SENP6: variants seen among roughly 807,000 people sequenced by gnomAD.
SENP6 encodes the protein SUMO specific peptidase 6, also known as sentrin-specific protease 6.
In SENP6, 41 loss-of-function variants were observed where a neutral mutation model predicts 134.5. The observed-to-expected ratio is 0.30, with a 90% CI of 0.24 to 0.40. The LOEUF (loss-of-function observed/expected upper bound fraction) is 0.40, where lower values mean the gene tolerates loss of function less well. SENP6 is among the 10% of genes least tolerant of loss of function. The pLI is 1.00. For synonymous variants in SENP6, 395 were observed against 429.8 expected, an observed-to-expected ratio of 0.92 and a Z score of 1.00; for missense variants, 1,248 against 1,312.5, an observed-to-expected ratio of 0.95 and a Z score of 0.76.
intron 3 of SENP6, among the ~76,000 whole-genome samples, chr6:75,627,015 A>G (rs1472266254): frequency 6.6e-6 from 1 of 151,810 alleles, no homozygotes; most frequent in Non-Finnish European, 1.5e-5. Context: ...CCCAGGTTGG[A>G]GTGCATGGTG....
intron 1 of SENP6, among the ~76,000 whole-genome samples, chr6:75,603,730 T>G (rs1050820017): frequency 6.6e-6 from 1 of 152,102 alleles, no homozygotes; most frequent in African/African-American, 2.4e-5. Context: ...TGGAACACAG[T>G]AGGTACTCAG....
intron 8 of SENP6, among the ~76,000 whole-genome samples, chr6:75,660,246 A>T (rs1459275792): frequency 6.6e-6 from 1 of 152,200 alleles, no homozygotes; most frequent in Non-Finnish European, 1.5e-5. Context: ...TTACATCAGG[A>T]GACATACGAT....
intron 13 of SENP6, among the ~76,000 whole-genome samples, 155 bp downstream of exon 13, chr6:75,676,209 C>G (rs902957385): frequency 1.3e-5 from 2 of 152,052 alleles, no homozygotes; most frequent in African/African-American, 2.4e-5. Flanking sequence ...ATTACTTTCT[C>G]CATTTTACAG....
chr6:75,695,289 A>G (rs1053885823), intron 16 of SENP6, among the ~76,000 whole-genome samples: 1 of 152,220 alleles, frequency 6.6e-6, no homozygotes, highest in Non-Finnish European at 1.5e-5. Context: ...GTTTTAAAAC[A>G]TTAGATCTTT....
intron 6 of SENP6, 83 bp from the exon 7 acceptor site, chr6:75,647,648 C>G (rs1463425622): frequency 1.2e-6 from 1 of 844,402 alleles, no homozygotes; most frequent in African/African-American, 1.7e-5. Flanking sequence ...TTTTAATAGG[C>G]TTATTGTAAG....
chr6:75,605,923 G>A (rs1766995520), intron 1 of SENP6, among the ~76,000 whole-genome samples: 1 of 152,174 alleles, frequency 6.6e-6, no homozygotes, highest in Non-Finnish European at 1.5e-5. Context: ...TGATGTCAGT[G>A]GAGACTGGGG....
chr6:75,618,037 A>G (rs1457605223), intron 1 of SENP6, among the ~76,000 whole-genome samples: 3 of 152,234 alleles, frequency 2.0e-5, no homozygotes, highest in African/African-American at 4.8e-5. Context: ...AAGACATATC[A>G]CTATGAATGT....
intron 16 of SENP6, among the ~76,000 whole-genome samples, chr6:75,686,538 T>C (rs1773854805): frequency 6.6e-6 from 1 of 152,208 alleles, no homozygotes; most frequent in Admixed American, 6.5e-5. Context: ...TGGTACCAGT[T>C]GTTTCTTTCC....
intron 3 of SENP6, among the ~76,000 whole-genome samples, chr6:75,629,036 C>A (rs1383437696): frequency 6.6e-6 from 1 of 152,120 alleles, no homozygotes; most frequent in Non-Finnish European, 1.5e-5. Context: ...CAGTTCTTTC[C>A]TTTTGAGTTA....
At position 75,687,976 on chromosome 6, in the gene SENP6, A is replaced by G. The variant is rs574790613; in HGVS notation, c.2076-7828A>G. 2.6e-4 allele frequency among the ~76,000 whole-genome samples: 40 copies of G among 152,236 alleles called. 1 individual carries two copies. The highest frequency in any genetic ancestry group is 6.8e-3 in the Middle Eastern group (2 of 294). ...TTAAGTCTGCAGTTGTCTGCTGCCTATTTTTCAGCTATGCCCTGCCCACAG... is the reference window on the plus strand; with the variant it reads ...TTAAGTCTGCAGTTGTCTGCTGCCTGTTTTTCAGCTATGCCCTGCCCACAG... On this transcript the variant is annotated intron_variant, in intron 16 of 23. Coordinates refer to ENST00000447266, the MANE Select transcript of SENP6 (RefSeq NM_015571.4).
chr6:75,711,312 A>G lies in SENP6; in HGVS notation c.2821-16A>G. 6.3e-7 allele frequency: 1 copy of G among 1,583,214 alleles called. No individual in the cohort carries two copies. Among genetic ancestry groups the G allele is most frequent in the Non-Finnish European group, 8.7e-7 (1 of 1,153,974 alleles). ...ATTATATATTTTCAGTATTAACAGT[A>G]GGCTGTCTTTTATAGGATGATAGCA... On this transcript the variant is annotated splice_polypyrimidine_tract_variant and intron_variant, in intron 20 of 23. Coordinates refer to ENST00000447266, the MANE Select transcript of SENP6 (RefSeq NM_015571.4).
At chr6:75,625,304 C>T (rs574357001) in intron 3 of SENP6, among the ~76,000 whole-genome samples, 5 of 151,398 alleles carry the variant, frequency 3.3e-5, no homozygotes, top group East Asian at 3.9e-4. Context: ...TATTAGAGAC[C>T]GGGTTTCACC....
chr6:75,713,364 G>A, intron 21 of SENP6, 149 bp from the exon 22 acceptor site: 1 of 566,610 alleles, frequency 1.8e-6, no homozygotes, highest in South Asian at 2.8e-5. Context: ...TGTCTATAAG[G>A]TTCATTTTTT....
intron 1 of SENP6, among the ~76,000 whole-genome samples, chr6:75,621,127 G>A (rs1309510401): frequency 5.3e-5 from 8 of 152,190 alleles, no homozygotes; most frequent in Non-Finnish European, 7.3e-5. Flanking sequence ...GGCAGGTATC[G>A]TTGAGTTTAA....
chr6:75,602,362 T>G lies in SENP6; in HGVS notation c.-163T>G. 1.4e-6 allele frequency: 1 copy of G among 728,664 alleles called. No individual in the cohort carries two copies. Among genetic ancestry groups the G allele is most frequent in the Non-Finnish European group, 2.1e-6 (1 of 469,922 alleles). The allele number at this position is 728,664 out of a possible 1,614,324, so 45.1% of individuals were successfully genotyped here. ...GGCCCGGGCGCGCCTGGCCTGCCTTTGTATAGGCCCGTCTGAACGTGGGAG... is the reference window on the plus strand; with the variant it reads ...GGCCCGGGCGCGCCTGGCCTGCCTTGGTATAGGCCCGTCTGAACGTGGGAG... On this transcript the variant is annotated 5_prime_UTR_variant, in exon 1 of 24. Coordinates refer to ENST00000447266, the MANE Select transcript of SENP6 (RefSeq NM_015571.4).
intron 5 of SENP6, among the ~76,000 whole-genome samples, chr6:75,638,721 T>C (rs1482454135): frequency 6.7e-6 from 1 of 149,896 alleles, no homozygotes; most frequent in East Asian, 2.0e-4. Flanking sequence ...CTTCTACCTC[T>C]GTTTTTCTAC....
In SENP6 at chr6:75,667,247, GAT is replaced by G. The variant is rs530873941; in HGVS notation, c.1224+311_1224+312del. 5.7e-4 allele frequency among the ~76,000 whole-genome samples: 87 copies of G among 152,182 alleles called. 2 individuals are homozygous for G. The South Asian group carries it at 6.8e-3, about 12-fold the overall frequency. Reference sequence around the variant, plus strand: ...AGAGGAGAGAAGTCATTTTGACAGAGATATATTTTACTGTAATACTATGTTTC... The same window carrying G: ...AGAGGAGAGAAGTCATTTTGACAGAGATATTTTACTGTAATACTATGTTTC... On this transcript the variant is annotated intron_variant, in intron 10 of 23. Transcript: ENST00000447266.
At chr6:75,638,331 G>A (rs1008926378) in intron 5 of SENP6, among the ~76,000 whole-genome samples, 2 of 148,508 alleles carry the variant, frequency 1.3e-5, no homozygotes, top group African/African-American at 4.9e-5. Flanking sequence ...AGTCCAACAA[G>A]AATGTAAGTT....
intron 1 of SENP6, among the ~76,000 whole-genome samples, chr6:75,612,670 A>G (rs1322786145): frequency 6.6e-6 from 1 of 152,194 alleles, no homozygotes; most frequent in Non-Finnish European, 1.5e-5. Context: ...GTGGGAGATG[A>G]TGCATAGAAA....
Sources: gnomAD v4.1 joint callset for allele counts (sites outside exome capture counted in the v4.1 genomes callset) on GRCh38, gnomAD v4.1.1 for gene constraint, MANE v1.5 for transcripts, NCBI Gene and HGNC (gene_info 2026-07-23, HGNC 2026-07-21) for gene names.